Variants in GALNT10 observed in about 807,000 individuals in gnomAD.
GALNT10 encodes the protein polypeptide N-acetylgalactosaminyltransferase 10.
In GALNT10, 41 loss-of-function variants were observed where a neutral mutation model predicts 75.0. The ratio of observed to expected loss-of-function variants is 0.55; its 90% CI spans 0.43 to 0.71. The LOEUF is 0.71. GALNT10 is among the 30% of genes least tolerant of loss of function. GALNT10 has a pLI of 0.00. For synonymous variants in GALNT10, 302 were observed against 313.0 expected (o/e 0.96, Z 0.37); for missense variants, 727 against 818.5 (o/e 0.89, Z 1.36).
chr5:154,377,750 C>T (rs759369121), intron 5 of GALNT10, among the ~76,000 whole-genome samples: 6 of 152,044 alleles, frequency 3.9e-5, no homozygotes, highest in Non-Finnish European at 5.9e-5. Context: ...CAAGGGTCTA[C>T]GATCTCACTG....
intron 3 of GALNT10, among the ~76,000 whole-genome samples, chr5:154,324,209 G>T (rs1340601600): frequency 6.6e-6 from 1 of 152,214 alleles, no homozygotes; most frequent in Non-Finnish European, 1.5e-5. Context: ...GAGTGATAAG[G>T]CAGCGCTCTG....
In GALNT10 at chr5:154,420,522, G is replaced by A. The variant is rs6886795; in HGVS notation, c.*3550G>A. 0.057 allele frequency: 8,619 copies of A among 152,266 alleles called. 334 individuals carry two copies. Among genetic ancestry groups the A allele is most frequent in the Non-Finnish European group, 0.083 (5,621 of 68,010 alleles). 9.4% of individuals were successfully genotyped at this position (152,266 alleles called of 1,614,324 possible). A position where few individuals can be genotyped will look rare whatever the true frequency, so the allele number is the denominator to read the frequency against. ...TCCTAGGAGGTAATGCATTTTTAAT[G>A]TTTTCTGAAGCTTTGTAAGTGTGAG... On this transcript the variant is annotated 3_prime_UTR_variant, in exon 12 of 12. Transcript: ENST00000297107.
intron 4 of GALNT10, among the ~76,000 whole-genome samples, chr5:154,335,881 C>G (rs1469095234): frequency 6.6e-6 from 1 of 152,182 alleles, no homozygotes; most frequent in Non-Finnish European, 1.5e-5. Flanking sequence ...GTTGTACATT[C>G]TATGGATTTG....
chr5:154,266,818 G>A (rs1753781145), intron 1 of GALNT10, among the ~76,000 whole-genome samples: 1 of 152,182 alleles, frequency 6.6e-6, no homozygotes, highest in African/African-American at 2.4e-5. Context: ...GGAGTTAGAA[G>A]CTGCGATGAG....
At chr5:154,204,842 T>G (rs1423801359) in intron 1 of GALNT10, among the ~76,000 whole-genome samples, 1 of 152,234 alleles carries the variant, frequency 6.6e-6, no homozygotes, top group African/African-American at 2.4e-5. Context: ...CCTTGCTTAT[T>G]TATTTACTTG....
At chr5:154,222,607 G>A (rs560332205) in intron 1 of GALNT10, among the ~76,000 whole-genome samples, 12 of 152,246 alleles carry the variant, frequency 7.9e-5, no homozygotes, top group South Asian at 4.2e-4. Flanking sequence ...TGGCTGCTCC[G>A]CATCCTCACC....
intron 1 of GALNT10, among the ~76,000 whole-genome samples, chr5:154,205,374 T>C (rs148686550): frequency 1.2e-3 from 188 of 152,310 alleles, no homozygotes; most frequent in African/African-American, 4.5e-3. Flanking sequence ...TGGGATTATA[T>C]TTTCCCCCTG....
At chr5:154,281,683 G>T (rs1754040282) in intron 1 of GALNT10, among the ~76,000 whole-genome samples, 1 of 152,220 alleles carries the variant, frequency 6.6e-6, no homozygotes, top group Admixed American at 6.5e-5. Context: ...CTGAAGAGAA[G>T]AATCTTATAT....
Position 154,415,853 on chromosome 5 carries a change from A to T in GALNT10, c.1574A>T (p.Asp525Val), listed in dbSNP as rs778538784. 6.2e-7 allele frequency: 1 copy of T among 1,614,160 alleles called. No homozygotes were observed. The change falls in exon 11 of 12, where the codon GAT becomes GTT. Residue 525 changes from aspartate to valine, a missense_variant. Transcript: ENST00000297107. Reference protein sequence around the residue: ...DPQHTKKFCFDAISHTSPVTL... With the variant: ...DPQHTKKFCFVAISHTSPVTL... Reference sequence around the variant, plus strand: ...CAGCACACCAAGAAGTTCTGCTTTGATGCCATTTCCCACACCAGCCCTGTC... The same window carrying T: ...CAGCACACCAAGAAGTTCTGCTTTGTTGCCATTTCCCACACCAGCCCTGTC...
chr5:154,339,145 TC>T, intron 4 of GALNT10, among the ~76,000 whole-genome samples: 1 of 152,318 alleles, frequency 6.6e-6, no homozygotes, highest in African/African-American at 2.4e-5. Flanking sequence ...GGAGGTGGCC[TC>T]AGCTGCTTAC....
intron 1 of GALNT10, among the ~76,000 whole-genome samples, chr5:154,270,326 C>T (rs1467957572): frequency 6.7e-6 from 1 of 149,842 alleles, no homozygotes; most frequent in Non-Finnish European, 1.5e-5. Context: ...TCTATGTAGT[C>T]TAATTGTGTG....
intron 7 of GALNT10, among the ~76,000 whole-genome samples, chr5:154,398,137 AG>A (rs1245708333): frequency 6.6e-6 from 1 of 152,240 alleles, no homozygotes; most frequent in Non-Finnish European, 1.5e-5. Flanking sequence ...AGACTGCCAC[AG>A]GGGCAGTGAA....
At chr5:154,323,854 A>T (rs1754713319) in intron 3 of GALNT10, among the ~76,000 whole-genome samples, 1 of 152,228 alleles carries the variant, frequency 6.6e-6, no homozygotes, top group Admixed American at 6.5e-5. Context: ...AAGCCCCATT[A>T]CAGGGGCAGG....
In GALNT10 at chr5:154,191,547, C is replaced by A. The variant is rs542364014; in HGVS notation, c.159+522C>A. On this transcript the variant is annotated intron_variant, in intron 1 of 11. Coordinates refer to ENST00000297107, the MANE Select transcript of GALNT10 (RefSeq NM_198321.4). ...AGACACCCGGGCCTTCCTCCTCTCC[C>A]CATTTATTCAACACCCCCGCCCCAA... is the stretch of plus-strand genomic sequence containing the variant. 9.4e-5 allele frequency among the ~76,000 whole-genome samples: 14 copies of A among 148,648 alleles called. No individual in the cohort carries two copies. The South Asian group carries it at 1.1e-3, about 11-fold the overall frequency.
In GALNT10 at chr5:154,409,829, T is replaced by G; in HGVS notation, c.1386+67T>G. On this transcript the variant is annotated intron_variant, in intron 9 of 11. Transcript: ENST00000297107. The surrounding 1 kb of genome is among the most constrained non-coding windows in gnomAD (Gnocchi z 4.5). ...GTGCAAAATGCAAATGCAGATCCCA[T>G]GTTCAAAAGGTAGAAAGTCAGTGCA... The G allele has an allele frequency of 9.4e-7, 1 of 1,063,918 alleles. No homozygotes were observed. The highest frequency in any genetic ancestry group is 1.5e-6 in the Non-Finnish European group (1 of 683,386). 65.9% of individuals were successfully genotyped at this position (1,063,918 alleles called of 1,614,324 possible). A position where few individuals can be genotyped will look rare whatever the true frequency, so the allele number is the denominator to read the frequency against.
chr5:154,370,749 A>T (rs970225339), intron 4 of GALNT10, among the ~76,000 whole-genome samples: 1 of 152,180 alleles, frequency 6.6e-6, no homozygotes, highest in African/African-American at 2.4e-5. Context: ...TTTAAATTTA[A>T]GCAGGAGAGT....
At chr5:154,216,279 T>C (rs987545902) in intron 1 of GALNT10, among the ~76,000 whole-genome samples, 1 of 152,218 alleles carries the variant, frequency 6.6e-6, no homozygotes, top group Non-Finnish European at 1.5e-5. Flanking sequence ...CTGCTATGTG[T>C]TATATACTGC....
intron 4 of GALNT10, among the ~76,000 whole-genome samples, chr5:154,339,519 A>C (rs1036831959): frequency 1.3e-5 from 2 of 151,844 alleles, no homozygotes; most frequent in East Asian, 1.9e-4. Flanking sequence ...AAAAAAAAAA[A>C]CCCAGGATTT....
At chr5:154,324,297 C>T (rs1325461047) in intron 3 of GALNT10, among the ~76,000 whole-genome samples, 1 of 152,232 alleles carries the variant, frequency 6.6e-6, no homozygotes, top group Non-Finnish European at 1.5e-5. Context: ...GGGAATTGCC[C>T]TAGACAGCCT....
Sources: gnomAD v4.1 joint callset for allele counts (sites outside exome capture counted in the v4.1 genomes callset) on GRCh38, gnomAD v4.1.1 for gene constraint, Gnocchi (gnomAD v3.1) non-coding constraint, MANE v1.5 for transcripts, NCBI Gene and HGNC (gene_info 2026-07-23, HGNC 2026-07-21) for gene names.